SLC43A1: variants seen among roughly 807,000 people sequenced by gnomAD.
SLC43A1 encodes large neutral amino acids transporter small subunit 3.
Under a neutral mutation model 59.5 loss-of-function variants are expected in SLC43A1, and 31 were observed. The observed-to-expected ratio is 0.52, with a 90% CI of 0.39 to 0.70. The LOEUF is 0.70. Among genes scored for constraint, SLC43A1 ranks in the 30% least tolerant of loss-of-function variants. SLC43A1 has a pLI of 0.00. For synonymous variants in SLC43A1, 259 were observed against 290.9 expected, an observed-to-expected ratio of 0.89 and a Z score of 1.12; for missense variants, 598 against 717.8, an observed-to-expected ratio of 0.83 and a Z score of 1.91.
chr11:57,502,767 G>A (rs1480894138), intron 2 of SLC43A1, among the ~76,000 whole-genome samples: 2 of 151,902 alleles, frequency 1.3e-5, no homozygotes, highest in Non-Finnish European at 2.9e-5. Flanking sequence ...CCAGCTACCT[G>A]GGAGTCTGAG....
chr11:57,494,240 C>T (rs367681357), intron 7 of SLC43A1, 69 bp from the exon 8 acceptor site: 330 of 1,480,032 alleles, frequency 2.2e-4, no homozygotes, highest in Middle Eastern at 1.7e-3. Context: ...GCCTAGTGCT[C>T]GGCGGCCATC....
At chr11:57,491,522 G>A (rs1943901102) in intron 10 of SLC43A1, 69 bp downstream of exon 10, 2 of 1,604,068 alleles carry the variant, frequency 1.2e-6, no homozygotes, top group Admixed American at 1.7e-5. Context: ...GCCTAGAGGA[G>A]TCCCGCCCCC....
chr11:57,485,293 T>C (rs1351664130), intron 14 of SLC43A1, 51 bp from the exon 15 acceptor site: 1 of 1,553,776 alleles, frequency 6.4e-7, no homozygotes, highest in Admixed American at 2.0e-5. Flanking sequence ...CATCTGCCCT[T>C]AGCCTCCCAC....
chr11:57,485,464 C>T (rs1025558470), intron 14 of SLC43A1, among the ~76,000 whole-genome samples: 1 of 152,180 alleles, frequency 6.6e-6, no homozygotes, highest in Non-Finnish European at 1.5e-5. Context: ...AGTGGCAGGG[C>T]CTGGTGGGTG....
At position 57,501,151 on chromosome 11, in the gene SLC43A1, C is replaced by G. The variant is rs765432785; in HGVS notation, c.332+1G>C. ...CGTTCCCCATAGCCCAGCCACCTCACCTGCCAACCAGCCGCACGGGTCGGG... is the reference window on the plus strand; with the variant it reads ...CGTTCCCCATAGCCCAGCCACCTCAGCTGCCAACCAGCCGCACGGGTCGGG... On this transcript the variant is annotated splice_donor_variant, in intron 3 of 14. Coordinates refer to ENST00000278426, the MANE Select transcript of SLC43A1 (RefSeq NM_003627.6). LOFTEE classifies it high-confidence loss of function. The G allele has an allele frequency of 5.6e-6, 9 of 1,612,702 alleles. No individual in the cohort carries two copies. In the South Asian group the frequency reaches 9.9e-5, roughly 18 times the overall value.
In SLC43A1 at chr11:57,504,054, G is replaced by A. The variant is rs904307384; in HGVS notation, c.155-2725C>T. ...TAAAAATACAAAAAAAAAATTAGCC[G>A]GGCGTGGTGGTGGGCGCCCGTAGTC... is the stretch of plus-strand genomic sequence containing the variant. On this transcript the variant is annotated intron_variant, in intron 2 of 14. Transcript: ENST00000278426. 9.2e-5 allele frequency among the ~76,000 whole-genome samples: 14 copies of A among 152,112 alleles called. No homozygotes were observed. The South Asian group carries it at 1.2e-3, about 14-fold the overall frequency.
chr11:57,494,233 T>G, intron 7 of SLC43A1, 62 bp from the exon 8 acceptor site: 1 of 1,524,380 alleles, frequency 6.6e-7, no homozygotes, highest in Non-Finnish European at 8.9e-7. Context: ...TTCAACGGCC[T>G]AGTGCTCGGC....
chr11:57,486,275 C>T, intron 14 of SLC43A1, among the ~76,000 whole-genome samples: 1 of 152,162 alleles, frequency 6.6e-6, no homozygotes, highest in Non-Finnish European at 1.5e-5. Flanking sequence ...TCATTTGAGG[C>T]CAGGAGTTTA....
chr11:57,486,954 A>T, intron 14 of SLC43A1, 141 bp downstream of exon 14: 1 of 808,992 alleles, frequency 1.2e-6, no homozygotes, highest in Non-Finnish European at 1.9e-6. Flanking sequence ...TCTAAAAGGC[A>T]GACAACTTGG....
At chr11:57,513,460 G>A (rs1278613469) in intron 2 of SLC43A1, among the ~76,000 whole-genome samples, 1 of 152,228 alleles carries the variant, frequency 6.6e-6, no homozygotes, top group East Asian at 1.9e-4. Context: ...CAAGGTGATT[G>A]AAGTGGAAAC....
intron 5 of SLC43A1, chr11:57,499,532 A>T (rs1006184935): frequency 6.6e-6 from 1 of 152,100 alleles, no homozygotes; most frequent in Admixed American, 6.5e-5. Flanking sequence ...AGGGGCCACA[A>T]ACGCTGTCTG....
chr11:57,513,988 T>C lies in SLC43A1; in HGVS notation c.124A>G (p.Asn42Asp). The change falls in exon 2 of 15, where the codon AAC (asparagine) becomes GAC (aspartate). Residue 42 changes from asparagine (N) to aspartate (D), a missense_variant. By Grantham distance (23) the Asn-to-Asp change is conservative. Coordinates refer to ENST00000278426, the MANE Select transcript of SLC43A1 (RefSeq NM_003627.6). ...CACGTGCTGGAATAGAAGCCCTCGT[T>C]CTTCAGAATGATCAACAGGGAGCCC... is the stretch of plus-strand genomic sequence containing the variant. ...GWGSLLIILK[N>D]EGFYSSTCPA... 1.2e-6 allele frequency: 2 copies of C among 1,600,760 alleles called. No homozygotes were observed. Among genetic ancestry groups the C allele is most frequent in the Non-Finnish European group, 1.7e-6 (2 of 1,173,356 alleles).
At chr11:57,509,563 G>C (rs913058213) in intron 2 of SLC43A1, among the ~76,000 whole-genome samples, 1 of 150,304 alleles carries the variant, frequency 6.7e-6, no homozygotes, top group Non-Finnish European at 1.5e-5. Context: ...ACTCCAGCCT[G>C]GGTGACAGAG....
intron 7 of SLC43A1, among the ~76,000 whole-genome samples, chr11:57,494,944 G>T (rs1708888501): frequency 6.6e-6 from 1 of 151,794 alleles, no homozygotes; most frequent in Non-Finnish European, 1.5e-5. Flanking sequence ...AGCCTCTAGG[G>T]TTCAAGTGAT....
chr11:57,497,638 T>C (rs1944124992), intron 6 of SLC43A1, 115 bp downstream of exon 6: 2 of 698,858 alleles, frequency 2.9e-6, no homozygotes, highest in Non-Finnish European at 4.9e-6. Flanking sequence ...ATTGGGATGA[T>C]GACAGAGAAA....
In SLC43A1 at chr11:57,494,691, GA is replaced by G. The variant is rs1489552092; in HGVS notation, c.693-521del. On this transcript the variant is annotated intron_variant, in intron 7 of 14. Transcript: ENST00000278426. Reference sequence around the variant, plus strand: ...CCTCTGCTGAACTGACAGGGGGCTGGAAAAAGTTGGCATTCAGGTGGCTCCA... The same window carrying G: ...CCTCTGCTGAACTGACAGGGGGCTGGAAAAGTTGGCATTCAGGTGGCTCCA... Among the ~76,000 whole-genome samples the G allele has an allele frequency of 2.0e-4, 30 of 152,250 alleles. 1 individual carries two copies. The highest frequency in any genetic ancestry group is 1.5e-3 in the Admixed American group (23 of 15,298).
chr11:57,488,857 TG>T, intron 13 of SLC43A1, 58 bp downstream of exon 13: 2 of 1,453,592 alleles, frequency 1.4e-6, no homozygotes, highest in Non-Finnish European at 1.9e-6. Context: ...AACCCTTCCC[TG>T]GGGTTCTCTG....
chr11:57,484,857 C>G lies in SLC43A1; in HGVS notation c.*239G>C, dbSNP rs763839496. 2 of 415,388 alleles carry G rather than the reference C, an allele frequency of 4.8e-6. No homozygotes were observed. 25.7% of individuals were successfully genotyped at this position (415,388 alleles called of 1,614,324 possible). On this transcript the variant is annotated 3_prime_UTR_variant, in exon 15 of 15. Coordinates refer to ENST00000278426, the MANE Select transcript of SLC43A1 (RefSeq NM_003627.6). Reference sequence around the variant, plus strand: ...TCCTCCAACCCAAGGAGGAAGAAGGCTCAACCCCTCTAGGATAGGGACTGT... The same window carrying G: ...TCCTCCAACCCAAGGAGGAAGAAGGGTCAACCCCTCTAGGATAGGGACTGT...
At chr11:57,513,937 C>CCCCCCCCCCAATTAAAGGCAAA in intron 2 of SLC43A1, 21 bp downstream of exon 2, 1 of 1,297,852 alleles carries the variant, frequency 7.7e-7, no homozygotes, top group Non-Finnish European at 1.1e-6. Flanking sequence ...CCCAGCCCAC[C>CCCCCCCCCCAATTAAAGGCAAA]CAGCCCATTT....
Sources: gnomAD v4.1 joint callset for allele counts (sites outside exome capture counted in the v4.1 genomes callset) on GRCh38, gnomAD v4.1.1 for gene constraint, MANE v1.5 for transcripts, NCBI Gene and HGNC (gene_info 2026-07-23, HGNC 2026-07-21) for gene names.